Variants in LRP2 observed in about 807,000 individuals in gnomAD.
LRP2 encodes the protein LDL receptor related protein 2.
Under a neutral mutation model 531.0 loss-of-function variants are expected in LRP2, and 172 were observed. The observed-to-expected ratio is 0.32, with a 90% CI of 0.29 to 0.37. LRP2 has a LOEUF of 0.37. Among genes scored for constraint, LRP2 ranks in the 10% least tolerant of loss-of-function variants. The probability of loss-of-function intolerance (pLI) is 1.00; values close to 1 mark genes in which losing one functional copy is unlikely to be tolerated. For missense variants in LRP2, 5,167 were observed against 5,868.3 expected (o/e 0.88, Z 3.90); for synonymous variants, 1,992 against 2,027.6 (o/e 0.98, Z 0.47).
intron 21 of LRP2, 46 bp from the exon 22 acceptor site, chr2:169,244,978 C>T (rs192891311): frequency 1.2e-6 from 2 of 1,611,996 alleles, no homozygotes; most frequent in Admixed American, 3.3e-5. Context: ...TTTTTACAGC[C>T]TTTTAAATGA....
intron 9 of LRP2, among the ~76,000 whole-genome samples, chr2:169,284,646 G>C (rs1683803283): frequency 6.6e-6 from 1 of 152,014 alleles, no homozygotes; most frequent in South Asian, 2.1e-4. Flanking sequence ...TTCTTTCCAA[G>C]GACCGTGACT....
At chr2:169,262,333 T>C (rs530310247) in intron 16 of LRP2, among the ~76,000 whole-genome samples, 3 of 40,704 alleles carry the variant, frequency 7.4e-5, no homozygotes, top group Admixed American at 2.3e-4. Context: ...CATGATGGTA[T>C]ATCTAGAAAA....
chr2:169,299,050 CAGAAAGAAGAA>C lies in LRP2; in HGVS notation c.428-4351_428-4341del, dbSNP rs201438806. Among the ~76,000 whole-genome samples, 1,067 of 130,920 alleles carry C rather than the reference CAGAAAGAAGAA, an allele frequency of 8.2e-3. 12 individuals carry two copies. Among genetic ancestry groups the C allele is most frequent in the African/African-American group, 0.031 (1,029 of 33,712 alleles). 85.9% of individuals were successfully genotyped at this position (130,920 alleles called of 152,430 possible). On this transcript the variant is annotated intron_variant, in intron 4 of 78. Transcript: ENST00000649046. ...AACCAGATTTATTAAAAAAGAAATT[CAGAAAGAAGAA>C]AGAAAGAAGGAAAGAAAGAAAGAAG...
intron 25 of LRP2, chr2:169,240,624 AT>A (rs1215898956): frequency 2.6e-5 from 11 of 428,408 alleles, no homozygotes; most frequent in East Asian, 8.0e-5. Flanking sequence ...CCTGGACTTC[AT>A]TTTTTTGTGA....
intron 16 of LRP2, among the ~76,000 whole-genome samples, chr2:169,269,804 C>G (rs1170682857): frequency 6.6e-6 from 1 of 152,156 alleles, no homozygotes; most frequent in Non-Finnish European, 1.5e-5. Context: ...AAACTACCAT[C>G]AGAGTGAACA....
At chr2:169,316,510 G>A (rs936675061) in intron 3 of LRP2, among the ~76,000 whole-genome samples, 2 of 152,098 alleles carry the variant, frequency 1.3e-5, no homozygotes, top group South Asian at 4.1e-4. Flanking sequence ...CCTCATAGTG[G>A]GTTAAATGCT....
intron 1 of LRP2, among the ~76,000 whole-genome samples, chr2:169,358,912 A>G (rs1385982916): frequency 1.3e-5 from 2 of 151,078 alleles, no homozygotes; most frequent in Non-Finnish European, 2.9e-5. Flanking sequence ...AAAAAAAAAA[A>G]AAAAGAAAAA....
intron 1 of LRP2, among the ~76,000 whole-genome samples, chr2:169,340,721 C>T (rs1233577620): frequency 6.6e-6 from 1 of 152,158 alleles, no homozygotes; most frequent in Non-Finnish European, 1.5e-5. Context: ...CCAGACCAGC[C>T]TTCCACTGCT....
At chr2:169,150,847 G>A in intron 68 of LRP2, 51 bp downstream of exon 68, 1 of 1,608,878 alleles carries the variant, frequency 6.2e-7, no homozygotes, top group Non-Finnish European at 8.5e-7. Context: ...GGAATTTGAT[G>A]AGAATCCAGG....
rs138661634 is a variant in LRP2, at chr2:169,303,071, A to G, written c.427+4210T>C. ...CAATGTCTAAGAAATACTTCAAAAT[A>G]ATGGGGAGAATAAAGAGAATAAATA... is the stretch of plus-strand genomic sequence containing the variant. On this transcript the variant is annotated intron_variant, in intron 4 of 78. Coordinates refer to ENST00000649046, the MANE Select transcript of LRP2 (RefSeq NM_004525.3). Among the ~76,000 whole-genome samples the G allele has an allele frequency of 8.5e-4, 130 of 152,252 alleles. 1 individual carries two copies. Among genetic ancestry groups the G allele is most frequent in the African/African-American group, 1.7e-3 (71 of 41,560 alleles).
intron 31 of LRP2, 121 bp from the exon 32 acceptor site, chr2:169,226,709 A>T: frequency 1.3e-6 from 1 of 761,634 alleles, no homozygotes. Flanking sequence ...GCATTGCAGC[A>T]ATAAATATAA....
Position 169,176,735 on chromosome 2 carries a change from A to C in LRP2, c.10394-147T>G, listed in dbSNP as rs185342124. 1.1e-5 allele frequency: 8 copies of C among 741,706 alleles called. 1 individual carries two copies. The East Asian group carries it at 2.1e-4, about 20-fold the overall frequency. 45.9% of individuals were successfully genotyped at this position (741,706 alleles called of 1,614,324 possible). On this transcript the variant is annotated intron_variant, in intron 53 of 78. Coordinates refer to ENST00000649046, the MANE Select transcript of LRP2 (RefSeq NM_004525.3). ...ATTTATGATTTTCCCAAAAGTTCCT[A>C]AATAAAACAGATGATAGAGTTATAC...
chr2:169,313,168 G>A (rs745929234), intron 3 of LRP2, among the ~76,000 whole-genome samples: 5 of 152,142 alleles, frequency 3.3e-5, no homozygotes, highest in Non-Finnish European at 5.9e-5. Flanking sequence ...TTAGCTTGGG[G>A]AAGTTTGTTA....
At chr2:169,225,142 G>A (rs540587526) in intron 33 of LRP2, among the ~76,000 whole-genome samples, 168 bp downstream of exon 33, 1 of 151,716 alleles carries the variant, frequency 6.6e-6, no homozygotes, top group Non-Finnish European at 1.5e-5. Context: ...ATTTTAAGGT[G>A]GTTTTCCTCT....
At chr2:169,302,338 T>C (rs1171693404) in intron 4 of LRP2, among the ~76,000 whole-genome samples, 1 of 152,154 alleles carries the variant, frequency 6.6e-6, no homozygotes, top group Non-Finnish European at 1.5e-5. Context: ...CTGTGTCTCC[T>C]AATGAAAATA....
Position 169,259,079 on chromosome 2 carries a change from G to A in LRP2, c.2459C>T (p.Thr820Ile), listed in dbSNP as rs962918714. 13 of 1,613,130 alleles carry A rather than the reference G, an allele frequency of 8.1e-6. No homozygotes were observed. Among genetic ancestry groups the A allele is most frequent in the Middle Eastern group, 1.6e-4 (1 of 6,076 alleles). Residue 820 changes from threonine to isoleucine, a missense_variant, in exon 17 of 79, where the codon ACA becomes ATA. Physicochemically the swap from Thr to Ile is moderately conservative, Grantham distance 89. Coordinates refer to ENST00000649046, the MANE Select transcript of LRP2 (RefSeq NM_004525.3). ...TGGGTTATTTAAATACTGAACTACT[G>A]TGCGTCTCGTTTTATCAGCTAGCCT... Reference protein sequence around the residue: ...VMRLADKTRRTVVQYLNNPRS... With the variant: ...VMRLADKTRRIVVQYLNNPRS...
intron 68 of LRP2, 91 bp from the exon 69 acceptor site, chr2:169,147,050 A>T: frequency 1.0e-6 from 1 of 1,003,938 alleles, no homozygotes; most frequent in South Asian, 1.4e-5. Context: ...AGGGAAACCA[A>T]CTGTTTATCT....
At chr2:169,275,011 T>C in intron 14 of LRP2, 25 bp downstream of exon 14, 2 of 1,609,232 alleles carry the variant, frequency 1.2e-6, no homozygotes, top group Non-Finnish European at 1.7e-6. Flanking sequence ...GTACCAAGCA[T>C]GGTTACCACT....
intron 22 of LRP2, 24 bp from the exon 23 acceptor site, chr2:169,243,546 CA>C (rs766712635): frequency 6.2e-7 from 1 of 1,613,550 alleles, no homozygotes. Flanking sequence ...AAAACAAAAC[CA>C]ACAAGTTTAT....
Sources: gnomAD v4.1 joint callset for allele counts (sites outside exome capture counted in the v4.1 genomes callset) on GRCh38, gnomAD v4.1.1 for gene constraint, MANE v1.5 for transcripts, NCBI Gene and HGNC (gene_info 2026-07-23, HGNC 2026-07-21) for gene names.